The following MARCO variants were observed in gnomAD, a reference collection of about 807,000 sequenced individuals.
MARCO encodes the protein macrophage receptor with collagenous structure.
A neutral mutation model predicts 70.0 loss-of-function variants in MARCO; 72 were observed. The observed-to-expected ratio is 1.03, with a 90% CI of 0.85 to 1.25. The LOEUF (loss-of-function observed/expected upper bound fraction) is 1.25. MARCO is among the 50% of genes most tolerant of loss of function. The pLI, the probability that MARCO is intolerant of heterozygous loss-of-function variation, is 0.00. For missense variants in MARCO, 696 were observed against 659.3 expected (o/e 1.06, Z -0.61); for synonymous variants, 273 against 243.1 (o/e 1.12, Z -1.14).
At chr2:118,959,171 A>G (rs951295232) in intron 1 of MARCO, among the ~76,000 whole-genome samples, 2 of 152,214 alleles carry the variant, frequency 1.3e-5, no homozygotes, top group African/African-American at 2.4e-5. Flanking sequence ...TTTGCACGGC[A>G]AAAGGAACAG....
At position 118,977,900 on chromosome 2, in the gene MARCO, G is replaced by C. The variant is rs1489396125; in HGVS notation, c.731G>C (p.Gly244Ala). The part of the protein sequence containing the change: ...GGLIGPKGET[G>A]TKGEKGDLGL... ...CTCATTGGCCCAAAAGGGGAAACTG[G>C]AACTAAGGGAGAGAAAGGAGACCTG... The change falls in exon 8 of 17, where the codon GGA becomes GCA. Residue 244 changes from glycine to alanine, a missense_variant. By Grantham distance (60) the Gly-to-Ala change is moderately conservative. Transcript: ENST00000327097. 3 of 1,611,692 alleles carry C rather than the reference G, an allele frequency of 1.9e-6. No individual in the cohort carries two copies. In the East Asian group the frequency reaches 6.7e-5, roughly 36 times the overall value.
At chr2:118,951,286 A>G (rs1269246139) in intron 1 of MARCO, among the ~76,000 whole-genome samples, 1 of 152,212 alleles carries the variant, frequency 6.6e-6, no homozygotes, top group African/African-American at 2.4e-5. Context: ...GGACCTTTCT[A>G]TGGTAACTAA....
At chr2:118,988,338 G>A (rs1680554866) in intron 12 of MARCO, among the ~76,000 whole-genome samples, 1 of 151,998 alleles carries the variant, frequency 6.6e-6, no homozygotes, top group South Asian at 2.1e-4. Flanking sequence ...CAGTTGGAGG[G>A]GTGCATCTCT....
chr2:118,966,475 T>C (rs1220054868), intron 1 of MARCO, among the ~76,000 whole-genome samples: 1 of 152,158 alleles, frequency 6.6e-6, no homozygotes, highest in Non-Finnish European at 1.5e-5. Flanking sequence ...CCCTCCATTT[T>C]GTACAGAATG....
chr2:118,954,596 C>T (rs1679793488), intron 1 of MARCO, among the ~76,000 whole-genome samples: 1 of 152,194 alleles, frequency 6.6e-6, no homozygotes. Flanking sequence ...ATTGCTACCT[C>T]CTGGCAGGCC....
intron 1 of MARCO, among the ~76,000 whole-genome samples, chr2:118,960,395 T>C (rs1240869197): frequency 6.6e-6 from 1 of 152,124 alleles, no homozygotes; most frequent in Non-Finnish European, 1.5e-5. Flanking sequence ...TAGCTTTAGA[T>C]AGTTTGTAGA....
At chr2:118,965,255 T>G (rs1477901806) in intron 1 of MARCO, among the ~76,000 whole-genome samples, 1 of 152,194 alleles carries the variant, frequency 6.6e-6, no homozygotes, top group African/African-American at 2.4e-5. Context: ...TCCCAGCTGA[T>G]TTTCTGTTTT....
intron 1 of MARCO, chr2:118,953,098 A>C (rs1679756568): frequency 6.6e-6 from 1 of 152,218 alleles, no homozygotes; most frequent in African/African-American, 2.4e-5. Flanking sequence ...CTGATATCCG[A>C]TTTGCTAATA....
At chr2:118,983,315 T>C (rs1455898247) in intron 12 of MARCO, among the ~76,000 whole-genome samples, 1 of 149,672 alleles carries the variant, frequency 6.7e-6, no homozygotes, top group East Asian at 2.0e-4. Context: ...ACCCCCGTGC[T>C]GTGCTAGAGA....
intron 1 of MARCO, among the ~76,000 whole-genome samples, chr2:118,950,490 C>T (rs531835020): frequency 6.6e-6 from 1 of 152,238 alleles, no homozygotes; most frequent in African/African-American, 2.4e-5. Context: ...GGTAGAAATC[C>T]ACATTCTTAT....
intron 12 of MARCO, among the ~76,000 whole-genome samples, chr2:118,986,400 G>C (rs1042068895): frequency 1.3e-5 from 2 of 151,846 alleles, no homozygotes; most frequent in African/African-American, 4.8e-5. Context: ...TGTAGTCTCA[G>C]CTACTCAGGT....
At chr2:118,977,642 A>T (rs1320160209) in intron 7 of MARCO, 127 bp downstream of exon 7, 1 of 811,750 alleles carries the variant, frequency 1.2e-6, no homozygotes, top group Non-Finnish European at 2.0e-6. Flanking sequence ...CCCACCCTAC[A>T]GTCCTCTTCT....
chr2:118,982,410 G>A lies in MARCO; in HGVS notation c.1063G>A (p.Gly355Arg). The A allele has an allele frequency of 6.2e-7, 1 of 1,613,986 alleles. No homozygotes were observed. Among genetic ancestry groups the A allele is most frequent in the Non-Finnish European group, 8.5e-7 (1 of 1,179,874 alleles). ...CCTGAAAGGAAGCAAAGGGGACACA[G>A]GTAACAGAGGGTGCAGTGGGTGAGT... ...TGLKGSKGDT[G>R]LQGQQGRKGE... is the part of the protein sequence containing the mutation. The change falls in exon 12 of 17, where the codon GGA becomes AGA. Residue 355 changes from glycine (G) to arginine (R), a missense_variant and splice_region_variant. This residue lies in a region of MARCO where 605 missense variants were observed against 537.6 expected (regional missense o/e 1.13). Transcript: ENST00000327097.
At chr2:118,979,667 T>G (rs913588048) in intron 8 of MARCO, among the ~76,000 whole-genome samples, 3 of 152,058 alleles carry the variant, frequency 2.0e-5, no homozygotes, top group African/African-American at 7.2e-5. Context: ...AACGCTGTGG[T>G]TGGCGAAGGG....
chr2:118,948,879 A>T (rs1679657901), intron 1 of MARCO, among the ~76,000 whole-genome samples: 1 of 152,188 alleles, frequency 6.6e-6, no homozygotes, highest in African/African-American at 2.4e-5. Context: ...CTAGAGCAAA[A>T]GTATTGCTCC....
At chr2:118,957,166 C>CA (rs1166329422) in intron 1 of MARCO, among the ~76,000 whole-genome samples, 8 of 151,080 alleles carry the variant, frequency 5.3e-5, no homozygotes, top group African/African-American at 7.3e-5. Context: ...AAAATTGAAA[C>CA]AAAAAAATAC....
At chr2:118,986,600 A>G (rs867736129) in intron 12 of MARCO, among the ~76,000 whole-genome samples, 1,197 of 14,216 alleles carry the variant, frequency 0.084, 76 homozygotes, top group East Asian at 0.29. Context: ...AAAGAAAGAA[A>G]GAAAGAAAGA....
intron 12 of MARCO, among the ~76,000 whole-genome samples, chr2:118,989,084 G>A (rs1680573469): frequency 6.6e-6 from 1 of 152,218 alleles, no homozygotes; most frequent in African/African-American, 2.4e-5. Context: ...GTCAGACTTT[G>A]GAACCACTTT....
At position 118,971,565 on chromosome 2, in the gene MARCO, C is replaced by T. The variant is rs779439720; in HGVS notation, c.460+31C>T. ...TTCATTTCCACTCACACCCACCCTG[C>T]TCTTTCCCCAAAACCTCCCCAAAAG... On this transcript the variant is annotated intron_variant, in intron 4 of 16. Coordinates refer to ENST00000327097, the MANE Select transcript of MARCO (RefSeq NM_006770.4). 6 of 1,612,278 alleles carry T rather than the reference C, an allele frequency of 3.7e-6. No homozygotes were observed. In the East Asian group the frequency reaches 6.7e-5, roughly 18 times the overall value.
Sources: allele counts gnomAD v4.1 joint callset (sites outside exome capture counted in the v4.1 genomes callset), GRCh38; gene constraint gnomAD v4.1.1; regional missense constraint gnomAD v4.1.1; transcripts MANE v1.5; gene names NCBI Gene and HGNC (gene_info 2026-07-23, HGNC 2026-07-21).